TECR: variants seen among roughly 807,000 people sequenced by gnomAD.
TECR encodes the protein trans-2,3-enoyl-CoA reductase.
In TECR, 19 loss-of-function variants were observed where a neutral mutation model predicts 50.6. The observed-to-expected ratio is 0.38, with a 90% confidence interval of 0.26 to 0.55. TECR has a LOEUF of 0.55. Ranked by LOEUF, TECR falls within the 20% of genes least tolerant of loss-of-function variation. TECR has a pLI of 0.79. For missense variants in TECR, 313 were observed against 408.3 expected, an observed-to-expected ratio of 0.77 and a Z score of 2.01; for synonymous variants, 168 against 163.5, an observed-to-expected ratio of 1.03 and a Z score of -0.21.
chr19:14,565,120 G>T lies in TECR; in HGVS notation c.661G>T (p.Ala221Ser). The change falls in exon 10 of 13, where the codon GCT becomes TCT. Residue 221 changes from alanine (A) to serine (S), a missense_variant. Coordinates refer to ENST00000215567, the MANE Select transcript of TECR (RefSeq NM_138501.6). The part of the protein sequence containing the change: ...IHMALRDLRP[A>S]GSKTRKIPYP... ...CATGGCCCTGCGGGACCTGCGGCCC[G>T]CTGGTGAGTGCCTGCTGGGGGCAGG... 2.6e-5 allele frequency: 42 copies of T among 1,613,740 alleles called. No individual in the cohort carries two copies. Among genetic ancestry groups the T allele is most frequent in the Non-Finnish European group, 3.6e-5 (42 of 1,180,014 alleles).
intron 1 of TECR, among the ~76,000 whole-genome samples, chr19:14,536,991 G>A (rs564803898): frequency 7.5e-5 from 11 of 146,364 alleles, no homozygotes; most frequent in South Asian, 4.5e-4. Context: ...GGGCCGAGGA[G>A]GAGGAGGTGG....
At chr19:14,537,252 TGGGGGAGGCGGGACCAGGGA>T (rs1202585843) in intron 1 of TECR, among the ~76,000 whole-genome samples, 109 of 10,572 alleles carry the variant, frequency 0.01, no homozygotes, top group African/African-American at 0.026. Context: ...CGGGCCTGGA[TGGGGGAGGCGGGACCAGGGA>T]GGGGGAGGCG....
intron 1 of TECR, among the ~76,000 whole-genome samples, chr19:14,542,354 T>TG (rs1480153540): frequency 9.1e-4 from 106 of 116,390 alleles, no homozygotes; most frequent in African/African-American, 3.5e-3. Flanking sequence ...AGTGTTTTTT[T>TG]TTTTTTTTTT....
At chr19:14,531,858 C>G (rs138506936) in intron 1 of TECR, 1 of 152,210 alleles carries the variant, frequency 6.6e-6, no homozygotes, top group African/African-American at 2.4e-5. Flanking sequence ...CTCTCAAACT[C>G]TATATCTAAA....
chr19:14,552,630 G>C lies in TECR; in HGVS notation c.16-9895G>C, dbSNP rs542301160. ...GCTCACTGCAAGCTCCGCCTCCCGGGTTCACGCCATTCTCCTGCCTCAGCC... is the reference window on the plus strand; with the variant it reads ...GCTCACTGCAAGCTCCGCCTCCCGGCTTCACGCCATTCTCCTGCCTCAGCC... On this transcript the variant is annotated intron_variant, in intron 1 of 12. Transcript: ENST00000215567. Among the ~76,000 whole-genome samples, 429 of 151,860 alleles carry C rather than the reference G, an allele frequency of 2.8e-3. 3 individuals carry two copies. Among genetic ancestry groups the C allele is most frequent in the African/African-American group, 0.01 (417 of 41,414 alleles).
At chr19:14,540,749 G>A (rs1005048774) in intron 1 of TECR, among the ~76,000 whole-genome samples, 1 of 152,206 alleles carries the variant, frequency 6.6e-6, no homozygotes, top group African/African-American at 2.4e-5. Flanking sequence ...GGATGGCCTC[G>A]AACTCTTGAT....
intron 1 of TECR, among the ~76,000 whole-genome samples, chr19:14,543,417 A>ATATATATATT (rs2073187366): frequency 2.0e-4 from 2 of 9,992 alleles, no homozygotes; most frequent in African/African-American, 7.4e-4. Context: ...ATATATATAT[A>ATATATATATT]TATTTTTTTT....
intron 1 of TECR, among the ~76,000 whole-genome samples, chr19:14,548,826 T>C (rs537807491): frequency 6.6e-6 from 1 of 152,010 alleles, no homozygotes; most frequent in East Asian, 1.9e-4. Flanking sequence ...CTGCTCACTT[T>C]GGCCTCCCAA....
chr19:14,529,558 G>C (rs751227381), upstream of TECR: 12 of 1,333,352 alleles, frequency 9.0e-6, no homozygotes, highest in Non-Finnish European at 1.3e-5. Flanking sequence ...GACGGGGCGC[G>C]CGCGGCCTGG....
intron 1 of TECR, chr19:14,534,106 A>G (rs1181380523): frequency 6.6e-6 from 1 of 151,128 alleles, no homozygotes; most frequent in African/African-American, 2.4e-5. Context: ...GTCCCCCATA[A>G]CCCACATTTA....
intron 1 of TECR, among the ~76,000 whole-genome samples, chr19:14,535,501 C>T (rs1439772860): frequency 1.5e-3 from 96 of 63,030 alleles, no homozygotes; most frequent in African/African-American, 4.9e-3. Flanking sequence ...AGCGAGACTC[C>T]GTCTCAAAAA....
chr19:14,564,292 G>C lies in TECR; in HGVS notation c.489+5G>C. 1 of 1,599,876 alleles carries C rather than the reference G, an allele frequency of 6.3e-7. No individual in the cohort carries two copies. Among genetic ancestry groups the C allele is most frequent in the Non-Finnish European group, 8.5e-7 (1 of 1,177,582 alleles). On this transcript the variant is annotated splice_donor_5th_base_variant and intron_variant, in intron 7 of 12. Coordinates refer to ENST00000215567, the MANE Select transcript of TECR (RefSeq NM_138501.6). ...CCTTTGCGCAACATCTTCAAGGTGA[G>C]AGCCCGTCCCCGCCTCACCCCTAAG...
Position 14,565,954 on chromosome 19 carries a change from G to C in TECR, c.*83G>C, listed in dbSNP as rs761400491. 1 of 1,546,976 alleles carries C rather than the reference G, an allele frequency of 6.5e-7. No individual in the cohort carries two copies. Among genetic ancestry groups the C allele is most frequent in the African/African-American group, 1.4e-5 (1 of 73,452 alleles). ...GGGGCCCACAGCTCTCCAGCACCCG[G>C]AATAAAGCCCGCCTGCCCCAGTCGG... On this transcript the variant is annotated 3_prime_UTR_variant, in exon 13 of 13. Transcript: ENST00000215567.
chr19:14,543,082 G>A (rs2073156415), intron 1 of TECR, among the ~76,000 whole-genome samples: 2 of 151,008 alleles, frequency 1.3e-5, no homozygotes, highest in South Asian at 4.2e-4. Flanking sequence ...GCCAAGTTGG[G>A]GGTGGGGGTG....
At chr19:14,538,580 T>A (rs1206834937) in intron 1 of TECR, among the ~76,000 whole-genome samples, 1 of 151,076 alleles carries the variant, frequency 6.6e-6, no homozygotes, top group Non-Finnish European at 1.5e-5. Context: ...GTCACCAGGC[T>A]GGAGTGCAGT....
At chr19:14,556,187 TG>T (rs2073715001) in intron 1 of TECR, among the ~76,000 whole-genome samples, 1 of 152,156 alleles carries the variant, frequency 6.6e-6, no homozygotes, top group Admixed American at 6.5e-5. Flanking sequence ...GACTCCTTCC[TG>T]CTCAGCCACG....
intron 1 of TECR, among the ~76,000 whole-genome samples, chr19:14,554,350 C>T (rs1004984334): frequency 3.9e-5 from 6 of 152,172 alleles, no homozygotes; most frequent in Admixed American, 3.3e-4. Flanking sequence ...GGTTCATAAG[C>T]CATGGGAGAT....
chr19:14,528,481 G>GC (rs921824441), upstream of TECR, among the ~76,000 whole-genome samples: 14 of 151,780 alleles, frequency 9.2e-5, no homozygotes, highest in South Asian at 2.1e-4. Context: ...CTCGTGATCT[G>GC]CCCCCCTCGG....
At chr19:14,533,449 G>T (rs2072749257) in intron 1 of TECR, among the ~76,000 whole-genome samples, 1 of 151,896 alleles carries the variant, frequency 6.6e-6, no homozygotes, top group Non-Finnish European at 1.5e-5. Context: ...ATCTATTTCT[G>T]CTTGGGACTA....
Sources: allele counts gnomAD v4.1 joint callset (sites outside exome capture counted in the v4.1 genomes callset), GRCh38; gene constraint gnomAD v4.1.1; transcripts MANE v1.5; gene names NCBI Gene and HGNC (gene_info 2026-07-23, HGNC 2026-07-21).